Variants in GPC5 observed in about 807,000 individuals in gnomAD.
GPC5 encodes the protein glypican 5, also known as glypican-5.
GPC5 carries 47 observed loss-of-function variants against 53.9 expected under a neutral mutation model. The ratio of observed to expected loss-of-function variants is 0.87; its 90% CI spans 0.69 to 1.11. The LOEUF is 1.11. Among genes scored for constraint, GPC5 ranks in the 50% most tolerant of loss-of-function variants. The pLI is 0.00. For synonymous variants in GPC5, 286 were observed against 263.3 expected (o/e 1.09, Z -0.84); for missense variants, 748 against 713.1 (o/e 1.05, Z -0.56).
At chr13:92,121,866 G>A (rs1354934003) in intron 6 of GPC5, among the ~76,000 whole-genome samples, 2 of 152,154 alleles carry the variant, frequency 1.3e-5, no homozygotes, top group East Asian at 3.9e-4. Flanking sequence ...TGTGAGGAAA[G>A]TGCCAAATTT....
intron 7 of GPC5, among the ~76,000 whole-genome samples, chr13:92,385,684 C>T (rs1026458854): frequency 1.4e-5 from 2 of 141,338 alleles, no homozygotes; most frequent in East Asian, 2.0e-4. Flanking sequence ...TATATACACA[C>T]ATATATACCT....
intron 7 of GPC5, among the ~76,000 whole-genome samples, chr13:92,272,447 A>G (rs2042846422): frequency 6.6e-6 from 1 of 152,150 alleles, no homozygotes; most frequent in South Asian, 2.1e-4. Flanking sequence ...TAGAATTGAT[A>G]TTTCTATTTG....
intron 7 of GPC5, among the ~76,000 whole-genome samples, chr13:92,385,162 C>T (rs908944649): frequency 5.3e-5 from 8 of 151,690 alleles, no homozygotes; most frequent in East Asian, 1.9e-4. Context: ...TGGTAGCCTA[C>T]GCCTGGCCAA....
rs560992557 is a variant in GPC5 at position 92,122,341 on chromosome 13, G to A, written c.1402-22489G>A. On this transcript the variant is annotated intron_variant, in intron 6 of 7. Transcript: ENST00000377067. ...TGCTTTTAGCAGCCATAGACTTCTT[G>A]GCCTCAAAGGCTCAGATGTCCGAAA... 5.4e-5 allele frequency among the ~76,000 whole-genome samples: 8 copies of A among 149,236 alleles called. No homozygotes were observed. The South Asian group carries it at 1.7e-3, about 32-fold the overall frequency.
intron 2 of GPC5, among the ~76,000 whole-genome samples, chr13:91,581,350 C>T (rs1198035418): frequency 1.3e-5 from 2 of 152,184 alleles, no homozygotes; most frequent in African/African-American, 2.4e-5. Flanking sequence ...CCATCATGGT[C>T]AGCTTTTGTA....
At chr13:92,417,060 C>T (rs932807280) in intron 7 of GPC5, among the ~76,000 whole-genome samples, 2 of 152,158 alleles carry the variant, frequency 1.3e-5, no homozygotes, top group Non-Finnish European at 2.9e-5. Context: ...AAGTACACTT[C>T]GTGTAAGTCA....
chr13:91,705,556 A>C (rs2036080135), intron 3 of GPC5, among the ~76,000 whole-genome samples: 1 of 152,220 alleles, frequency 6.6e-6, no homozygotes. Context: ...TCATTTCATC[A>C]GATCAGCAGT....
At chr13:91,896,854 G>C (rs563340306) in intron 5 of GPC5, among the ~76,000 whole-genome samples, 2 of 152,294 alleles carry the variant, frequency 1.3e-5, no homozygotes, top group East Asian at 3.9e-4. Flanking sequence ...CCAAGACATA[G>C]CTGGAGGAGC....
At chr13:92,033,036 CGTGT>C (rs60958496) in intron 6 of GPC5, among the ~76,000 whole-genome samples, 1,884 of 138,960 alleles carry the variant, frequency 0.014, 16 homozygotes, top group South Asian at 0.024. Flanking sequence ...TAGTTATTGT[CGTGT>C]GTGTGTGTGT....
chr13:91,540,657 G>C (rs1307277165), intron 2 of GPC5, among the ~76,000 whole-genome samples: 3 of 152,214 alleles, frequency 2.0e-5, no homozygotes, highest in East Asian at 3.8e-4. Context: ...AAGAAATGCA[G>C]TGTAAATAGA....
chr13:91,482,960 C>A (rs1883389039), intron 2 of GPC5, among the ~76,000 whole-genome samples: 1 of 151,460 alleles, frequency 6.6e-6, no homozygotes, highest in Non-Finnish European at 1.5e-5. Flanking sequence ...TTGAAGTCAA[C>A]CTCTGATTGT....
chr13:92,227,897 A>G lies in GPC5; in HGVS notation c.1561+82908A>G, dbSNP rs2042500217. 3.3e-5 allele frequency among the ~76,000 whole-genome samples: 5 copies of G among 152,162 alleles called. No individual in the cohort carries two copies. In the South Asian group the frequency reaches 1.0e-3, roughly 32 times the overall value. On this transcript the variant is annotated intron_variant, in intron 7 of 7. Coordinates refer to ENST00000377067, the MANE Select transcript of GPC5 (RefSeq NM_004466.6). ...TACTGATAGCCTACTGTTGAGCAGA[A>G]GCCTTACCAATACCATAAATTTGAT...
At chr13:91,884,024 GA>G (rs550499554) in intron 5 of GPC5, among the ~76,000 whole-genome samples, 1 of 152,020 alleles carries the variant, frequency 6.6e-6, no homozygotes, top group Non-Finnish European at 1.5e-5. Context: ...GATCATTAAA[GA>G]AACGCAAATC....
intron 7 of GPC5, among the ~76,000 whole-genome samples, chr13:92,717,030 TAA>T (rs1339550827): frequency 1.3e-5 from 2 of 151,988 alleles, no homozygotes; most frequent in South Asian, 4.2e-4. Flanking sequence ...ACAGAGAGGC[TAA>T]GAGTCAAGCC....
chr13:92,711,949 T>C (rs758812989), intron 7 of GPC5, among the ~76,000 whole-genome samples: 2 of 151,908 alleles, frequency 1.3e-5, no homozygotes, highest in Non-Finnish European at 2.9e-5. Flanking sequence ...TACTAAATGC[T>C]GTGTTAGCAG....
intron 6 of GPC5, among the ~76,000 whole-genome samples, chr13:91,936,572 T>G (rs1571596): frequency 0.61 from 93,070 of 151,820 alleles, 29,096 homozygotes; most frequent in East Asian, 0.74. Context: ...CTTTCTTAAA[T>G]CATACAGTCT....
chr13:92,007,088 C>A (rs2138765721), intron 6 of GPC5, among the ~76,000 whole-genome samples: 1 of 152,048 alleles, frequency 6.6e-6, no homozygotes, highest in Non-Finnish European at 1.5e-5. Context: ...AATTTTAAAC[C>A]ATAAAAGTTC....
intron 2 of GPC5, among the ~76,000 whole-genome samples, chr13:91,689,189 ATATAT>A: frequency 2.0e-5 from 1 of 48,886 alleles, no homozygotes; most frequent in South Asian, 5.7e-4. Flanking sequence ...ATATAAATAT[ATATAT>A]ATATATATAT....
intron 7 of GPC5, among the ~76,000 whole-genome samples, chr13:92,526,745 A>G (rs373784918): frequency 6.6e-6 from 1 of 151,910 alleles, no homozygotes; most frequent in South Asian, 2.1e-4. Context: ...TATTATTTTT[A>G]TTATTAAAGT....
Sources: gnomAD v4.1 joint callset for allele counts (sites outside exome capture counted in the v4.1 genomes callset) on GRCh38, gnomAD v4.1.1 for gene constraint, MANE v1.5 for transcripts, NCBI Gene and HGNC (gene_info 2026-07-23, HGNC 2026-07-21) for gene names.